Variants in GRM5 observed in about 807,000 individuals in gnomAD.
GRM5 encodes glutamate metabotropic receptor 5, also known as metabotropic glutamate receptor 5.
A neutral mutation model predicts 83.1 loss-of-function variants in GRM5; 19 were observed. The ratio of observed to expected loss-of-function variants is 0.23; its 90% confidence interval spans 0.16 to 0.34. GRM5 has a LOEUF of 0.34. Among genes scored for constraint, GRM5 ranks in the 10% least tolerant of loss-of-function variants. The pLI is 1.00. For synonymous variants in GRM5, 675 were observed against 633.6 expected, an observed-to-expected ratio of 1.07 and a Z score of -0.98; for missense variants, 1,160 against 1,588.3, an observed-to-expected ratio of 0.73 and a Z score of 4.58.
chr11:88,974,596 A>G lies in GRM5; in HGVS notation c.661+72616T>C, dbSNP rs1327460240. Among the ~76,000 whole-genome samples, 3 of 152,144 alleles carry G rather than the reference A, an allele frequency of 2.0e-5. No homozygotes were observed. In the South Asian group the frequency reaches 6.2e-4, roughly 32 times the overall value. On this transcript the variant is annotated intron_variant, in intron 2 of 9. Transcript: ENST00000305447. ...TCAGCTTTATTAGAGCATAGTCCCC[A>G]ATATAGAATCATTTCAGAATACCTT...
At chr11:88,788,762 GAA>G (rs1171472515) in intron 3 of GRM5, among the ~76,000 whole-genome samples, 1 of 152,130 alleles carries the variant, frequency 6.6e-6, no homozygotes, top group Non-Finnish European at 1.5e-5. Flanking sequence ...AGTTGCTAGG[GAA>G]ACTAGAAAGG....
At chr11:88,613,154 G>A (rs527517910) in intron 4 of GRM5, among the ~76,000 whole-genome samples, 5 of 152,114 alleles carry the variant, frequency 3.3e-5, no homozygotes, top group Non-Finnish European at 7.4e-5. Context: ...ATGTGCAGAC[G>A]AGAAGAATGT....
At chr11:88,737,151 T>A (rs1446598651) in intron 3 of GRM5, among the ~76,000 whole-genome samples, 1 of 152,090 alleles carries the variant, frequency 6.6e-6, no homozygotes, top group Non-Finnish European at 1.5e-5. Context: ...AAAGATTTCA[T>A]GTCTTCAATG....
chr11:88,666,260 C>A (rs1940040546), intron 3 of GRM5, among the ~76,000 whole-genome samples: 1 of 152,040 alleles, frequency 6.6e-6, no homozygotes, highest in Admixed American at 6.6e-5. Context: ...ATAAAGAAAA[C>A]AGGTTTATTC....
chr11:88,910,368 A>G (rs1276315696), intron 2 of GRM5, among the ~76,000 whole-genome samples: 1 of 152,060 alleles, frequency 6.6e-6, no homozygotes, highest in African/African-American at 2.4e-5. Context: ...TGTTTTTATG[A>G]ACATTGATAT....
intron 2 of GRM5, among the ~76,000 whole-genome samples, chr11:89,042,803 A>T (rs1333180370): frequency 1.3e-5 from 2 of 152,164 alleles, no homozygotes; most frequent in Non-Finnish European, 2.9e-5. Context: ...TTGTTATCAC[A>T]TTTTTAAGTA....
chr11:88,651,651 C>T (rs77927827), intron 4 of GRM5, among the ~76,000 whole-genome samples: 8,515 of 152,100 alleles, frequency 0.056, 218 homozygotes, highest in Middle Eastern at 0.071. Flanking sequence ...AAAGGAAATG[C>T]GTAAGCATTT....
chr11:88,967,772 T>A (rs573235909), intron 2 of GRM5, among the ~76,000 whole-genome samples: 4 of 152,146 alleles, frequency 2.6e-5, no homozygotes, highest in African/African-American at 9.6e-5. Context: ...ATGTTGAGAA[T>A]TGAGTGATGA....
chr11:89,051,565 C>T (rs12226642), intron 1 of GRM5, among the ~76,000 whole-genome samples: 7,630 of 151,888 alleles, frequency 0.05, 320 homozygotes, highest in African/African-American at 0.11. Flanking sequence ...GAAAAATTAG[C>T]TGGATGTGGT....
chr11:88,995,492 C>G (rs746797318), intron 2 of GRM5, among the ~76,000 whole-genome samples: 10 of 133,294 alleles, frequency 7.5e-5, no homozygotes, highest in Non-Finnish European at 1.2e-4. Context: ...TTGCAATGAG[C>G]TGAGATCATG....
intron 2 of GRM5, among the ~76,000 whole-genome samples, chr11:89,015,137 C>T (rs1289441870): frequency 1.3e-5 from 2 of 152,168 alleles, no homozygotes; most frequent in Non-Finnish European, 2.9e-5. Context: ...AACTTGGACT[C>T]GTCACTTAGC....
chr11:88,512,163 A>G (rs1032901540), intron 9 of GRM5: 7 of 154,348 alleles, frequency 4.5e-5, no homozygotes, highest in African/African-American at 1.2e-4. Flanking sequence ...CAAAACCTCT[A>G]GGTGAGTGTG....
intron 4 of GRM5, among the ~76,000 whole-genome samples, chr11:88,606,003 A>G (rs1248155936): frequency 2.0e-5 from 3 of 152,218 alleles, no homozygotes; most frequent in Non-Finnish European, 4.4e-5. Flanking sequence ...CTGAATAGTG[A>G]ATCAGACCTG....
chr11:88,681,585 T>TTTTTTTTTTTTTTTTG (rs1940491833), intron 3 of GRM5, among the ~76,000 whole-genome samples: 1 of 122,236 alleles, frequency 8.2e-6, no homozygotes. Flanking sequence ...TTTTTTTTTT[T>TTTTTTTTTTTTTTTTG]TTTTGAGATG....
At chr11:88,682,029 G>T (rs914545150) in intron 3 of GRM5, among the ~76,000 whole-genome samples, 5 of 152,162 alleles carry the variant, frequency 3.3e-5, no homozygotes, top group Non-Finnish European at 7.3e-5. Context: ...ACCTAGGATA[G>T]CAAGATTACC....
chr11:88,990,277 T>A lies in GRM5; in HGVS notation c.661+56935A>T, dbSNP rs531427493. ...GAAAATCTAGAAGAAATGGATAAATTCCTCGACCCATACACTTTCCCAAGA... is the reference window on the plus strand; with the variant it reads ...GAAAATCTAGAAGAAATGGATAAATACCTCGACCCATACACTTTCCCAAGA... On this transcript the variant is annotated intron_variant, in intron 2 of 9. Transcript: ENST00000305447. Among the ~76,000 whole-genome samples, 5 of 152,146 alleles carry A rather than the reference T, an allele frequency of 3.3e-5. 1 individual carries two copies. In the South Asian group the frequency reaches 1.0e-3, roughly 32 times the overall value.
intron 3 of GRM5, among the ~76,000 whole-genome samples, chr11:88,820,223 T>C (rs1439058073): frequency 1.6e-5 from 2 of 124,076 alleles, no homozygotes; most frequent in African/African-American, 8.3e-5. Context: ...TACTAAAAAA[T>C]ACAAAAAAAA....
intron 3 of GRM5, among the ~76,000 whole-genome samples, chr11:88,677,169 T>G (rs1403728165): frequency 6.6e-6 from 1 of 152,078 alleles, no homozygotes; most frequent in Non-Finnish European, 1.5e-5. Context: ...AAGATATATA[T>G]ACAACATGTA....
At chr11:89,048,425 G>C (rs1320811379) in intron 1 of GRM5, among the ~76,000 whole-genome samples, 1 of 152,152 alleles carries the variant, frequency 6.6e-6, no homozygotes, top group Non-Finnish European at 1.5e-5. Flanking sequence ...CAAGAAGTAT[G>C]CACCCCAGAA....
Sources: allele counts gnomAD v4.1 joint callset (sites outside exome capture counted in the v4.1 genomes callset), GRCh38; gene constraint gnomAD v4.1.1; transcripts MANE v1.5; gene names NCBI Gene and HGNC (gene_info 2026-07-23, HGNC 2026-07-21).